Variants in MACROD2 observed in about 807,000 individuals in gnomAD.
MACROD2 encodes ADP-ribose glycohydrolase MACROD2.
In MACROD2, 36 loss-of-function variants were observed where a neutral mutation model predicts 70.4. The observed-to-expected ratio is 0.51, with a 90% CI of 0.39 to 0.68. MACROD2 has a LOEUF of 0.68. Ranked by LOEUF, MACROD2 falls within the 30% of genes least tolerant of loss-of-function variation. The pLI, the probability that MACROD2 is intolerant of heterozygous loss-of-function variation, is 0.00. For synonymous variants in MACROD2, 172 were observed against 178.8 expected (o/e 0.96, Z 0.30); for missense variants, 496 against 538.4 (o/e 0.92, Z 0.78).
At chr20:15,699,734 C>T (rs2050429013) in intron 8 of MACROD2, among the ~76,000 whole-genome samples, 1 of 152,216 alleles carries the variant, frequency 6.6e-6, no homozygotes, top group South Asian at 2.1e-4. Flanking sequence ...GACGTCTGCA[C>T]TCCGGATTTG....
At chr20:15,963,224 T>G (rs966438366) in intron 12 of MACROD2, among the ~76,000 whole-genome samples, 4 of 150,200 alleles carry the variant, frequency 2.7e-5, no homozygotes, top group Non-Finnish European at 4.5e-5. Flanking sequence ...GTGTAGACAT[T>G]TACGCATTAC....
At chr20:15,450,736 G>A (rs1329461757) in intron 7 of MACROD2, among the ~76,000 whole-genome samples, 1 of 152,120 alleles carries the variant, frequency 6.6e-6, no homozygotes, top group Admixed American at 6.6e-5. Context: ...ACTAAAACCA[G>A]ACCTGTTCCA....
At chr20:14,657,246 G>A (rs1238833334) in intron 4 of MACROD2, among the ~76,000 whole-genome samples, 3 of 152,274 alleles carry the variant, frequency 2.0e-5, no homozygotes, top group Admixed American at 2.0e-4. Flanking sequence ...ATTCCAGTTA[G>A]CATCCGCTTC....
At chr20:16,036,803 A>G (rs1601362079) in intron 15 of MACROD2, among the ~76,000 whole-genome samples, 1 of 152,006 alleles carries the variant, frequency 6.6e-6, no homozygotes, top group Non-Finnish European at 1.5e-5. Flanking sequence ...ACTCACACAC[A>G]CATGCACGCA....
chr20:15,208,327 A>G (rs896573299), intron 5 of MACROD2, among the ~76,000 whole-genome samples: 1 of 152,094 alleles, frequency 6.6e-6, no homozygotes, highest in Non-Finnish European at 1.5e-5. Flanking sequence ...GTTTGTTTCA[A>G]GCATGTACAT....
intron 2 of MACROD2, among the ~76,000 whole-genome samples, chr20:14,067,553 C>T (rs1353886804): frequency 1.3e-5 from 2 of 152,136 alleles, no homozygotes; most frequent in Non-Finnish European, 2.9e-5. Flanking sequence ...TATTTTTACA[C>T]AAGATTACTT....
chr20:15,217,500 T>G (rs569207247), intron 5 of MACROD2, among the ~76,000 whole-genome samples: 1 of 152,296 alleles, frequency 6.6e-6, no homozygotes, highest in Admixed American at 6.5e-5. Context: ...TCTCCTGATA[T>G]CATGCTGTCT....
intron 8 of MACROD2, among the ~76,000 whole-genome samples, chr20:15,557,745 G>A (rs777346620): frequency 6.6e-6 from 1 of 152,162 alleles, no homozygotes; most frequent in African/African-American, 2.4e-5. Flanking sequence ...GAGTACAGAA[G>A]GGGGAATTGG....
At chr20:15,100,170 C>G (rs117961427) in intron 5 of MACROD2, among the ~76,000 whole-genome samples, 5,794 of 152,178 alleles carry the variant, frequency 0.038, 119 homozygotes, top group Middle Eastern at 0.12. Flanking sequence ...CTCCTGGATT[C>G]AAGCAATCCT....
intron 10 of MACROD2, among the ~76,000 whole-genome samples, chr20:15,926,957 G>A (rs2065499421): frequency 6.6e-6 from 1 of 152,144 alleles, no homozygotes; most frequent in Admixed American, 6.5e-5. Flanking sequence ...AACTGAAGCA[G>A]CAAAACACAT....
At chr20:14,242,562 G>C (rs923255616) in intron 3 of MACROD2, among the ~76,000 whole-genome samples, 1 of 152,040 alleles carries the variant, frequency 6.6e-6, no homozygotes, top group African/African-American at 2.4e-5. Flanking sequence ...TTATTTATTT[G>C]AATTTTTAAA....
intron 8 of MACROD2, among the ~76,000 whole-genome samples, chr20:15,766,290 T>C (rs1037176839): frequency 2.6e-5 from 4 of 152,214 alleles, no homozygotes; most frequent in African/African-American, 9.6e-5. Context: ...CAAGCTGCCT[T>C]TCTAAGGGAT....
chr20:14,835,894 G>A (rs1389069513), intron 5 of MACROD2, among the ~76,000 whole-genome samples: 1 of 151,988 alleles, frequency 6.6e-6, no homozygotes, highest in African/African-American at 2.4e-5. Flanking sequence ...TCCGCATGTA[G>A]CTTATTTAGG....
chr20:15,735,868 T>C (rs989287529), intron 8 of MACROD2, among the ~76,000 whole-genome samples: 1 of 152,190 alleles, frequency 6.6e-6, no homozygotes, highest in Non-Finnish European at 1.5e-5. Flanking sequence ...TTATAGATCT[T>C]CTCTTGATCC....
At chr20:14,871,424 CT>C (rs766937907) in intron 5 of MACROD2, among the ~76,000 whole-genome samples, 15 of 152,014 alleles carry the variant, frequency 9.9e-5, no homozygotes, top group Non-Finnish European at 1.9e-4. Context: ...CCAAACTCAA[CT>C]TCATAATTGA....
intron 5 of MACROD2, among the ~76,000 whole-genome samples, chr20:14,926,089 G>A (rs1568879475): frequency 6.6e-6 from 1 of 152,218 alleles, no homozygotes; most frequent in Non-Finnish European, 1.5e-5. Flanking sequence ...GGGACAGGTA[G>A]CCTCTTGATG....
chr20:14,659,187 A>G (rs1259716299), intron 4 of MACROD2, among the ~76,000 whole-genome samples: 1 of 152,216 alleles, frequency 6.6e-6, no homozygotes, highest in African/African-American at 2.4e-5. Context: ...ACCACATATC[A>G]AGAGAAGTTA....
chr20:15,021,240 CTG>C (rs1331922279), intron 5 of MACROD2, among the ~76,000 whole-genome samples: 1 of 62,716 alleles, frequency 1.6e-5, no homozygotes, highest in Admixed American at 1.6e-4. Context: ...ATACACACAC[CTG>C]TGTGTATGTA....
At chr20:14,937,501 T>C (rs2074350778) in intron 5 of MACROD2, among the ~76,000 whole-genome samples, 1 of 152,272 alleles carries the variant, frequency 6.6e-6, no homozygotes, top group South Asian at 2.1e-4. Context: ...ATGCTCAGAC[T>C]GTGGTCCAGT....
Sources: allele counts gnomAD v4.1 joint callset (sites outside exome capture counted in the v4.1 genomes callset), GRCh38; gene constraint gnomAD v4.1.1; transcripts MANE v1.5; gene names NCBI Gene and HGNC (gene_info 2026-07-23, HGNC 2026-07-21).